The following FLYWCH1 variants were observed in gnomAD, a reference collection of about 807,000 sequenced individuals.
FLYWCH1 encodes FLYWCH-type zinc finger 1.
Under a neutral mutation model 66.4 loss-of-function variants are expected in FLYWCH1, and 75 were observed. The observed-to-expected ratio is 1.13, with a 90% CI of 0.94 to 1.37. FLYWCH1 has a LOEUF of 1.37. Among genes scored for constraint, FLYWCH1 ranks in the 40% most tolerant of loss-of-function variants. FLYWCH1 has a pLI of 0.00. For missense variants in FLYWCH1, 1,334 were observed against 1,001.8 expected (o/e 1.33, Z -4.48); for synonymous variants, 595 against 429.9 (o/e 1.38, Z -4.75).
intron 6 of FLYWCH1, chr16:2,935,462 G>A (rs1427440743): frequency 6.6e-6 from 1 of 152,230 alleles, no homozygotes; most frequent in Non-Finnish European, 1.5e-5. Flanking sequence ...TGTCCCTCGG[G>A]GTTCACTGTG....
chr16:2,925,000 T>C (rs2070507548), intron 2 of FLYWCH1, among the ~76,000 whole-genome samples: 1 of 152,230 alleles, frequency 6.6e-6, no homozygotes, highest in Admixed American at 6.5e-5. Flanking sequence ...CAGGCCAAGC[T>C]TGACGCAGTC....
chr16:2,926,867 G>A (rs1160561713), intron 2 of FLYWCH1, among the ~76,000 whole-genome samples: 1 of 152,182 alleles, frequency 6.6e-6, no homozygotes, highest in African/African-American at 2.4e-5. Flanking sequence ...TCCTCCTCCC[G>A]TGGTTCAGAT....
At chr16:2,948,323 C>T (rs1266312667) in intron 9 of FLYWCH1, among the ~76,000 whole-genome samples, 1 of 151,884 alleles carries the variant, frequency 6.6e-6, no homozygotes, top group Non-Finnish European at 1.5e-5. Context: ...CTTTGGTAGG[C>T]GGAGGTGGGT....
In FLYWCH1 at chr16:2,933,467, G is replaced by T. The variant is rs370466962; in HGVS notation, c.1134G>T (p.Pro378=). 2.6e-5 allele frequency: 42 copies of T among 1,603,194 alleles called. No individual in the cohort carries two copies. Among genetic ancestry groups the T allele is most frequent in the Admixed American group, 3.4e-5 (2 of 58,134 alleles). The change falls in exon 5 of 10, where the codon CCG becomes CCT. Residue 378 remains proline (P), a synonymous_variant. Coordinates refer to ENST00000253928, the MANE Select transcript of FLYWCH1 (RefSeq NM_001308068.2). ...GVDSLLYRRG[P]GPLTLTRPRP... Reference sequence around the variant, plus strand: ...ATAGTTTGCTCTACCGCAGGGGTCCGGGTCCCCTGACTCTCACCAGGCCTC... The same window carrying T: ...ATAGTTTGCTCTACCGCAGGGGTCCTGGTCCCCTGACTCTCACCAGGCCTC...
In FLYWCH1 at chr16:2,949,564, G is replaced by A. The variant is rs2071616502; in HGVS notation, c.*837G>A. ...AGAGTGTGGCTTCACCAGTCAGAGGGAGCAGTCCGGAGAGGCAAGATGACC... is the reference window on the plus strand; with the variant it reads ...AGAGTGTGGCTTCACCAGTCAGAGGAAGCAGTCCGGAGAGGCAAGATGACC... On this transcript the variant is annotated 3_prime_UTR_variant, in exon 10 of 10. Coordinates refer to ENST00000253928, the MANE Select transcript of FLYWCH1 (RefSeq NM_001308068.2). 1.3e-5 allele frequency: 2 copies of A among 152,174 alleles called. No individual in the cohort carries two copies. 9.4% of individuals were successfully genotyped at this position (152,174 alleles called of 1,614,324 possible).
At chr16:2,931,028 G>A (rs1190799929) in intron 4 of FLYWCH1, 148 bp downstream of exon 4, 9 of 714,220 alleles carry the variant, frequency 1.3e-5, no homozygotes, top group Non-Finnish European at 2.0e-5. Context: ...AATGTGGCCG[G>A]GCACAGTGGC....
rs114479101 is a variant in FLYWCH1, at chr16:2,921,381, G to A, written c.-74+7092G>A. On this transcript the variant is annotated intron_variant, in intron 2 of 9. Coordinates refer to ENST00000253928, the MANE Select transcript of FLYWCH1 (RefSeq NM_001308068.2). ...TTTTTTTTTGCTTCTAAAGCCAGAG[G>A]GAGGATGGTTGCTCCCTTTCTCTGG... 2.8e-3 allele frequency among the ~76,000 whole-genome samples: 429 copies of A among 151,842 alleles called. 3 individuals carry two copies. Among genetic ancestry groups the A allele is most frequent in the African/African-American group, 0.01 (415 of 41,374 alleles).
At position 2,938,428 on chromosome 16, in the gene FLYWCH1, C is replaced by T. The variant is rs1212675211; in HGVS notation, c.2022C>T (p.Leu674=). The T allele has an allele frequency of 1.1e-5, 17 of 1,531,772 alleles. No homozygotes were observed. The highest frequency in any genetic ancestry group is 2.3e-5 in the East Asian group (1 of 43,890). The allele number at this position is 1,531,772 out of a possible 1,614,324, so 94.9% of individuals were successfully genotyped here. ...GLEALRQRER[L]PTTAQQEDPE... ...AGGCCTTGAGGCAACGGGAGCGGCT[C>T]CCCACCACGGCCCAGCAGGAGGACC... is the stretch of plus-strand genomic sequence containing the variant. Residue 674 remains leucine (L), a synonymous_variant, in exon 8 of 10, where the codon CTC becomes CTT. Coordinates refer to ENST00000253928, the MANE Select transcript of FLYWCH1 (RefSeq NM_001308068.2).
chr16:2,939,837 G>A (rs2071186165), intron 8 of FLYWCH1, 195 bp from the exon 9 acceptor site: 1 of 504,688 alleles, frequency 2.0e-6, no homozygotes, highest in Non-Finnish European at 3.4e-6. Context: ...GCAGCTGAAG[G>A]TCAACTCTTA....
At chr16:2,933,690 CCT>C (rs2070871320) in intron 5 of FLYWCH1, 24 bp from the exon 6 acceptor site, 2 of 1,602,198 alleles carry the variant, frequency 1.2e-6, no homozygotes, top group Non-Finnish European at 8.5e-7. Flanking sequence ...TGTCCCCTCC[CCT>C]GACTGCCTCT....
At chr16:2,946,311 C>G (rs1313419760) in intron 9 of FLYWCH1, among the ~76,000 whole-genome samples, 2 of 132,740 alleles carry the variant, frequency 1.5e-5, no homozygotes, top group Non-Finnish European at 3.1e-5. Flanking sequence ...TATAGGTGGG[C>G]TGTACTTTTT....
intron 9 of FLYWCH1, among the ~76,000 whole-genome samples, chr16:2,945,799 C>T (rs775466653): frequency 6.6e-6 from 1 of 152,122 alleles, no homozygotes; most frequent in East Asian, 1.9e-4. Flanking sequence ...AGATCAAGAC[C>T]ATCCTGGCTA....
intron 2 of FLYWCH1, among the ~76,000 whole-genome samples, chr16:2,917,771 TCCTCCCTCTTCCTTTGG>T (rs1291047726): frequency 1.3e-5 from 2 of 152,098 alleles, no homozygotes; most frequent in East Asian, 1.9e-4. Context: ...AGATTCTTGT[TCCTCCCTCTTCCTTTGG>T]CCTCCCTCTT....
At chr16:2,934,184 C>A (rs924726834) in intron 6 of FLYWCH1, among the ~76,000 whole-genome samples, 1 of 152,166 alleles carries the variant, frequency 6.6e-6, no homozygotes, top group Non-Finnish European at 1.5e-5. Flanking sequence ...TCAGCCCAGC[C>A]TCCCCCTTCC....
chr16:2,938,044 G>T (rs2071091085), intron 7 of FLYWCH1, 140 bp from the exon 8 acceptor site: 4 of 804,616 alleles, frequency 5.0e-6, no homozygotes, highest in African/African-American at 1.7e-5. Flanking sequence ...GCCCAGAGGG[G>T]AGGAGGGCAG....
intron 8 of FLYWCH1, 62 bp from the exon 9 acceptor site, chr16:2,939,970 G>C (rs2150998164): frequency 1.3e-6 from 2 of 1,541,652 alleles, no homozygotes; most frequent in Middle Eastern, 3.4e-4. Flanking sequence ...GTGTGTCCTT[G>C]GTTCTGTCAG....
chr16:2,950,909 C>A lies in FLYWCH1; in HGVS notation c.*2182C>A, dbSNP rs1228709349. ...CCACTCAGCCATGACAAGGGCCTGA[C>A]AGCCACTAAGTGAGCTTCAGAGCCT... On this transcript the variant is annotated 3_prime_UTR_variant, in exon 10 of 10. Coordinates refer to ENST00000253928, the MANE Select transcript of FLYWCH1 (RefSeq NM_001308068.2). The A allele has an allele frequency of 1.3e-5, 2 of 152,282 alleles. No homozygotes were observed. The highest frequency in any genetic ancestry group is 2.9e-5 in the Non-Finnish European group (2 of 68,056). 9.4% of individuals were successfully genotyped at this position (152,282 alleles called of 1,614,324 possible).
Position 2,933,554 on chromosome 16 carries a change from C to G in FLYWCH1, c.1221C>G (p.Asp407Glu), listed in dbSNP as rs750273321. The change falls in exon 5 of 10, where the codon GAC becomes GAG. Residue 407 changes from aspartate (D) to glutamate (E), a missense_variant. Transcript: ENST00000253928. ...TGCCAACCCAGCCCGAGGCCCCAGA[C>G]GAGCACCAGGACATGGACGCAGACC... is the stretch of plus-strand genomic sequence containing the variant. ...QELPTQPEAP[D>E]EHQDMDADPG... 2 of 1,604,072 alleles carry G rather than the reference C, an allele frequency of 1.2e-6. No individual in the cohort carries two copies. Among genetic ancestry groups the G allele is most frequent in the South Asian group, 1.1e-5 (1 of 89,794 alleles).
intron 2 of FLYWCH1, among the ~76,000 whole-genome samples, chr16:2,929,078 C>T (rs1338987375): frequency 6.6e-6 from 1 of 152,208 alleles, no homozygotes; most frequent in Non-Finnish European, 1.5e-5. Flanking sequence ...GTACCAGGCC[C>T]ACATGCCTGA....
Sources: gnomAD v4.1 joint callset for allele counts (sites outside exome capture counted in the v4.1 genomes callset) on GRCh38, gnomAD v4.1.1 for gene constraint, MANE v1.5 for transcripts, NCBI Gene and HGNC (gene_info 2026-07-23, HGNC 2026-07-21) for gene names.